FRMD4A: variants seen among roughly 807,000 people sequenced by gnomAD.
FRMD4A encodes the protein FERM domain-containing protein 4A.
In FRMD4A, 29 loss-of-function variants were observed where a neutral mutation model predicts 129.1. The observed-to-expected ratio is 0.22, with a 90% CI of 0.17 to 0.31. FRMD4A has a LOEUF of 0.31. FRMD4A is among the 10% of genes least tolerant of loss of function. The pLI, the probability that FRMD4A is intolerant of heterozygous loss-of-function variation, is 1.00. For missense variants in FRMD4A, 1,272 were observed against 1,375.8 expected, an observed-to-expected ratio of 0.92 and a Z score of 1.19; for synonymous variants, 634 against 571.6, an observed-to-expected ratio of 1.11 and a Z score of -1.56.
chr10:14,199,300 T>G (rs894055487), intron 2 of FRMD4A, among the ~76,000 whole-genome samples: 7 of 149,628 alleles, frequency 4.7e-5, no homozygotes, highest in Admixed American at 3.3e-4. Context: ...ATTTATTTAT[T>G]TATTTATTTA....
chr10:13,866,492 C>T (rs1055756842), intron 2 of FRMD4A, among the ~76,000 whole-genome samples: 6 of 152,168 alleles, frequency 3.9e-5, no homozygotes, highest in African/African-American at 7.2e-5. Flanking sequence ...CAGTTTCCTT[C>T]ACAGAAAAGT....
intron 8 of FRMD4A, among the ~76,000 whole-genome samples, chr10:13,757,672 A>C (rs1299683216): frequency 6.6e-6 from 1 of 152,218 alleles, no homozygotes; most frequent in Non-Finnish European, 1.5e-5. Flanking sequence ...GTTTCATGAG[A>C]AAGAGTAGCT....
chr10:14,315,079 CCTTT>C (rs1043145763), intron 2 of FRMD4A, among the ~76,000 whole-genome samples: 18 of 151,904 alleles, frequency 1.2e-4, no homozygotes, highest in Non-Finnish European at 2.5e-4. Flanking sequence ...ATTCTAGTTA[CCTTT>C]CTGACTGTTC....
chr10:13,905,909 A>T (rs2094877346), intron 2 of FRMD4A, among the ~76,000 whole-genome samples: 1 of 152,198 alleles, frequency 6.6e-6, no homozygotes, highest in Non-Finnish European at 1.5e-5. Flanking sequence ...GGGAACCTTG[A>T]GGAAAGAATT....
chr10:14,240,663 G>A lies in FRMD4A; in HGVS notation c.45+89395C>T, dbSNP rs183538990. On this transcript the variant is annotated intron_variant, in intron 2 of 24. Coordinates refer to ENST00000357447, the MANE Select transcript of FRMD4A (RefSeq NM_018027.5). ...TTAACCATTATTATTAAATTTGTCCGTTCAGCAAGATTGAAACTGCCATTC... is the reference window on the plus strand; with the variant it reads ...TTAACCATTATTATTAAATTTGTCCATTCAGCAAGATTGAAACTGCCATTC... Among the ~76,000 whole-genome samples the A allele has an allele frequency of 7.2e-5, 11 of 152,138 alleles. No homozygotes were observed. In the East Asian group the frequency reaches 1.9e-3, roughly 27 times the overall value.
intron 2 of FRMD4A, among the ~76,000 whole-genome samples, chr10:14,194,808 T>C (rs188548804): frequency 6.6e-6 from 1 of 150,536 alleles, no homozygotes; most frequent in African/African-American, 2.4e-5. Context: ...TATTAATCTA[T>C]ATTATTATCA....
At chr10:14,068,606 T>C (rs577571215) in intron 2 of FRMD4A, among the ~76,000 whole-genome samples, 1 of 152,182 alleles carries the variant, frequency 6.6e-6, no homozygotes, top group Non-Finnish European at 1.5e-5. Context: ...AACTTCTCCT[T>C]TCCTCAGTGA....
intron 2 of FRMD4A, among the ~76,000 whole-genome samples, chr10:14,202,988 G>C (rs1002469562): frequency 6.6e-6 from 1 of 151,896 alleles, no homozygotes; most frequent in African/African-American, 2.4e-5. Context: ...GCCTAGGGTG[G>C]TCTCCAACTC....
intron 3 of FRMD4A, among the ~76,000 whole-genome samples, chr10:13,827,134 A>T (rs1214411924): frequency 6.6e-6 from 1 of 152,224 alleles, no homozygotes; most frequent in Non-Finnish European, 1.5e-5. Context: ...TTTCTACTGC[A>T]GGGCACAGAA....
chr10:13,863,459 G>A (rs1457368560), intron 2 of FRMD4A, among the ~76,000 whole-genome samples: 1 of 151,958 alleles, frequency 6.6e-6, no homozygotes, highest in East Asian at 1.9e-4. Context: ...GCATGGTGGT[G>A]CACGCCTGTA....
chr10:13,828,655 C>T (rs906121829), intron 3 of FRMD4A, among the ~76,000 whole-genome samples: 1 of 151,934 alleles, frequency 6.6e-6, no homozygotes, highest in Non-Finnish European at 1.5e-5. Context: ...GCCTCATACT[C>T]TCGAGTAGCT....
intron 2 of FRMD4A, among the ~76,000 whole-genome samples, chr10:13,937,901 T>C (rs1214806706): frequency 1.3e-5 from 2 of 152,228 alleles, no homozygotes; most frequent in Non-Finnish European, 2.9e-5. Context: ...AATTCTTGCA[T>C]TTTTTCTATG....
At chr10:13,994,731 A>G (rs1357368651) in intron 2 of FRMD4A, among the ~76,000 whole-genome samples, 1 of 152,228 alleles carries the variant, frequency 6.6e-6, no homozygotes, top group Non-Finnish European at 1.5e-5. Context: ...CCTTAAATAT[A>G]AGAACAACGC....
intron 2 of FRMD4A, among the ~76,000 whole-genome samples, chr10:14,162,596 C>G (rs576023650): frequency 2.0e-5 from 3 of 151,210 alleles, no homozygotes; most frequent in Non-Finnish European, 4.4e-5. Flanking sequence ...CCACTCTCAT[C>G]CCAGCCAATT....
rs759971697 is a variant in FRMD4A, at chr10:13,659,300, G to A, written c.2066+23C>T. On this transcript the variant is annotated intron_variant, in intron 21 of 24. Coordinates refer to ENST00000357447, the MANE Select transcript of FRMD4A (RefSeq NM_018027.5). ...TTTTAAAAAGGAAGGCTTGGTCTGA[G>A]CAGGAAGGCCAGGCAGACTCACCTC... 8.1e-6 allele frequency: 13 copies of A among 1,608,218 alleles called. No individual in the cohort carries two copies. In the South Asian group the frequency reaches 1.2e-4, roughly 15 times the overall value.
chr10:13,655,736 TCCTCCCATTTGCTTCTG>T (rs2134635421), intron 22 of FRMD4A: 1 of 152,310 alleles, frequency 6.6e-6, no homozygotes, highest in South Asian at 2.1e-4. Flanking sequence ...GACTCAGAGT[TCCTCCCATTTGCTTCTG>T]ACTCTCATTT....
chr10:13,959,501 CTGTG>C (rs2095432872), intron 2 of FRMD4A, among the ~76,000 whole-genome samples: 2 of 22,442 alleles, frequency 8.9e-5, no homozygotes, highest in Non-Finnish European at 1.2e-4. Flanking sequence ...AAAAAAAAAG[CTGTG>C]AGTGATTTTT....
intron 2 of FRMD4A, among the ~76,000 whole-genome samples, chr10:14,155,108 G>T (rs944545709): frequency 1.3e-5 from 2 of 152,216 alleles, no homozygotes; most frequent in African/African-American, 2.4e-5. Context: ...GGGCAACCCA[G>T]TGAGATCTCA....
intron 2 of FRMD4A, among the ~76,000 whole-genome samples, chr10:13,979,826 A>G (rs1043208903): frequency 6.6e-6 from 1 of 152,212 alleles, no homozygotes; most frequent in Admixed American, 6.5e-5. Flanking sequence ...TGTTCTGTTA[A>G]AACACAGGCT....
Sources: allele counts gnomAD v4.1 joint callset (sites outside exome capture counted in the v4.1 genomes callset), GRCh38; gene constraint gnomAD v4.1.1; transcripts MANE v1.5; gene names NCBI Gene and HGNC (gene_info 2026-07-23, HGNC 2026-07-21).